Variants in KCNT2 observed in about 807,000 individuals in gnomAD.
The protein encoded by KCNT2 is potassium channel subfamily T member 2.
Under a neutral mutation model 153.8 loss-of-function variants are expected in KCNT2, and 67 were observed. The observed-to-expected ratio is 0.44, with a 90% confidence interval of 0.36 to 0.53. The LOEUF is 0.53. KCNT2 is among the 20% of genes least tolerant of loss of function. KCNT2 has a pLI of 0.00. For missense variants in KCNT2, 975 were observed against 1,354.8 expected (o/e 0.72, Z 4.40); for synonymous variants, 500 against 458.8 (o/e 1.09, Z -1.15).
chr1:196,381,818 G>A (rs1669516772), intron 13 of KCNT2, among the ~76,000 whole-genome samples: 1 of 152,122 alleles, frequency 6.6e-6, no homozygotes. Flanking sequence ...AGTGAAGTTT[G>A]AGAGAACGTA....
At chr1:196,265,883 C>T (rs549631716) in intron 25 of KCNT2, among the ~76,000 whole-genome samples, 9 of 152,102 alleles carry the variant, frequency 5.9e-5, no homozygotes, top group Non-Finnish European at 8.8e-5. Context: ...TCTGATGAAG[C>T]AACCATTGCC....
chr1:196,239,258 T>A (rs1654731592), intron 26 of KCNT2, among the ~76,000 whole-genome samples: 1 of 151,912 alleles, frequency 6.6e-6, no homozygotes, highest in Non-Finnish European at 1.5e-5. Context: ...AAAAAAATTA[T>A]AAGTTTAAAT....
intron 22 of KCNT2, among the ~76,000 whole-genome samples, chr1:196,292,621 G>A (rs888224458): frequency 2.0e-5 from 3 of 151,922 alleles, no homozygotes; most frequent in African/African-American, 4.8e-5. Flanking sequence ...CCTGGCTAAC[G>A]CGGTGAAACC....
intron 1 of KCNT2, among the ~76,000 whole-genome samples, chr1:196,549,098 T>C (rs1457433450): frequency 2.0e-5 from 3 of 152,054 alleles, no homozygotes; most frequent in South Asian, 4.1e-4. Flanking sequence ...GGCACATGTA[T>C]ACATATGTAA....
intron 21 of KCNT2, among the ~76,000 whole-genome samples, chr1:196,308,111 TA>T (rs1200916156): frequency 3.3e-5 from 5 of 152,038 alleles, no homozygotes; most frequent in Non-Finnish European, 5.9e-5. Flanking sequence ...CACTGAACTT[TA>T]AAAAGAAAAA....
At chr1:196,306,435 G>A (rs1661641474) in intron 21 of KCNT2, among the ~76,000 whole-genome samples, 1 of 152,060 alleles carries the variant, frequency 6.6e-6, no homozygotes, top group South Asian at 2.1e-4. Flanking sequence ...GCTTGATGTG[G>A]TACATGCTTC....
At chr1:196,337,268 C>T (rs1665129760) in intron 16 of KCNT2, among the ~76,000 whole-genome samples, 1 of 151,810 alleles carries the variant, frequency 6.6e-6, no homozygotes, top group Admixed American at 6.6e-5. Context: ...CTCTTTTTCT[C>T]ACAGTTCAAT....
At chr1:196,342,446 ATG>A (rs1553292502) in intron 14 of KCNT2, among the ~76,000 whole-genome samples, 151 of 134,776 alleles carry the variant, frequency 1.1e-3, no homozygotes, top group Middle Eastern at 7.8e-3. Context: ...ATATATATAT[ATG>A]TATATATATA....
At chr1:196,328,287 G>T (rs538871228) in intron 18 of KCNT2, among the ~76,000 whole-genome samples, 1 of 151,908 alleles carries the variant, frequency 6.6e-6, no homozygotes, top group Non-Finnish European at 1.5e-5. Flanking sequence ...AAGGGATCAC[G>T]TGCGGGACAG....
chr1:196,512,986 T>G (rs1272648064), intron 1 of KCNT2, among the ~76,000 whole-genome samples: 39 of 152,190 alleles, frequency 2.6e-4, no homozygotes, highest in Non-Finnish European at 1.0e-4. Flanking sequence ...AAACACCCAC[T>G]CTCTTCTTCC....
At chr1:196,380,844 G>A (rs1020062030) in intron 13 of KCNT2, among the ~76,000 whole-genome samples, 4 of 152,110 alleles carry the variant, frequency 2.6e-5, no homozygotes, top group Non-Finnish European at 5.9e-5. Context: ...TTGCAATCAA[G>A]TGAGTTTTAT....
intron 22 of KCNT2, among the ~76,000 whole-genome samples, chr1:196,300,549 C>T (rs1013239424): frequency 2.0e-5 from 3 of 152,066 alleles, no homozygotes; most frequent in African/African-American, 7.2e-5. Flanking sequence ...GCAATGTCCT[C>T]ATATCTGAAG....
intron 12 of KCNT2, among the ~76,000 whole-genome samples, chr1:196,415,017 A>G (rs1672642643): frequency 6.6e-6 from 1 of 151,934 alleles, no homozygotes; most frequent in African/African-American, 2.4e-5. Flanking sequence ...TGCATGTGAA[A>G]TGATTAAATT....
chr1:196,589,060 A>G (rs1263789221), intron 1 of KCNT2, among the ~76,000 whole-genome samples: 1 of 152,030 alleles, frequency 6.6e-6, no homozygotes, highest in Non-Finnish European at 1.5e-5. Context: ...TAAACACGAT[A>G]TATTCATATT....
At chr1:196,388,667 A>G (rs1043089175) in intron 13 of KCNT2, among the ~76,000 whole-genome samples, 3 of 151,724 alleles carry the variant, frequency 2.0e-5, no homozygotes, top group Non-Finnish European at 3.0e-5. Flanking sequence ...TAAAGGTTAT[A>G]TTTAATTTAA....
intron 1 of KCNT2, among the ~76,000 whole-genome samples, chr1:196,584,041 C>G (rs1376630216): frequency 1.3e-5 from 2 of 151,794 alleles, no homozygotes; most frequent in Non-Finnish European, 2.9e-5. Flanking sequence ...TCCAGCCTAA[C>G]AAGAGGGTGC....
chr1:196,270,982 T>C (rs1658012693), intron 25 of KCNT2, among the ~76,000 whole-genome samples: 1 of 151,568 alleles, frequency 6.6e-6, no homozygotes, highest in African/African-American at 2.4e-5. Context: ...GTGATTCTAA[T>C]GTGAGTACAG....
intron 5 of KCNT2, 111 bp downstream of exon 5, chr1:196,479,068 G>A: frequency 2.9e-6 from 2 of 693,198 alleles, no homozygotes; most frequent in Non-Finnish European, 5.0e-6. Flanking sequence ...AAACAAAGTG[G>A]CTCAAGAAGA....
intron 14 of KCNT2, among the ~76,000 whole-genome samples, chr1:196,351,700 T>C (rs905825361): frequency 2.6e-5 from 4 of 152,082 alleles, no homozygotes; most frequent in Admixed American, 2.6e-4. Flanking sequence ...CTTTATTTCC[T>C]TCTCCTGCCT....
Sources: allele counts gnomAD v4.1 joint callset (sites outside exome capture counted in the v4.1 genomes callset), GRCh38; gene constraint gnomAD v4.1.1; transcripts MANE v1.5; gene names NCBI Gene and HGNC (gene_info 2026-07-23, HGNC 2026-07-21).